CTNNBIP1: variants seen among roughly 807,000 people sequenced by gnomAD.
CTNNBIP1 encodes the protein catenin beta interacting protein 1.
In CTNNBIP1, 7 loss-of-function variants were observed where a neutral mutation model predicts 11.8. The observed-to-expected ratio is 0.60, with a 90% confidence interval of 0.34 to 1.12. CTNNBIP1 has a LOEUF of 1.12. Among genes scored for constraint, CTNNBIP1 ranks in the 50% most tolerant of loss-of-function variants. CTNNBIP1 has a pLI of 0.03. For synonymous variants in CTNNBIP1, 58 were observed against 43.9 expected, an observed-to-expected ratio of 1.32 and a Z score of -1.26; for missense variants, 101 against 113.4, an observed-to-expected ratio of 0.89 and a Z score of 0.50.
At chr1:9,907,675 C>T (rs1311801499) in intron 1 of CTNNBIP1, among the ~76,000 whole-genome samples, 1 of 152,222 alleles carries the variant, frequency 6.6e-6, no homozygotes, top group Non-Finnish European at 1.5e-5. Flanking sequence ...AAACCCTCTC[C>T]AATCAAGGAG....
chr1:9,884,619 G>A (rs1405007144), intron 1 of CTNNBIP1, among the ~76,000 whole-genome samples: 10 of 152,334 alleles, frequency 6.6e-5, no homozygotes, highest in Non-Finnish European at 1.2e-4. Context: ...ATGGGAGGAT[G>A]AGAAGCATTT....
chr1:9,881,765 C>T (rs1321743508), intron 2 of CTNNBIP1, among the ~76,000 whole-genome samples: 2 of 152,146 alleles, frequency 1.3e-5, no homozygotes, highest in Non-Finnish European at 2.9e-5. Context: ...GGTTCCACAA[C>T]CTTAAGTAGA....
chr1:9,865,417 G>A (rs556754704), intron 5 of CTNNBIP1, among the ~76,000 whole-genome samples: 40 of 152,020 alleles, frequency 2.6e-4, no homozygotes, highest in African/African-American at 9.6e-4. Context: ...TGGCTAACAC[G>A]GTGAAACCCC....
chr1:9,906,569 AT>A lies in CTNNBIP1; in HGVS notation c.-144+3525del, dbSNP rs201735831. Among the ~76,000 whole-genome samples the A allele has an allele frequency of 4.6e-3, 700 of 151,398 alleles. 17 individuals carry two copies. The highest frequency in any genetic ancestry group is 0.029 in the East Asian group (152 of 5,166). ...AGCAAAACTCCATCTAAAAAAAAAA[AT>A]AATAATAAAGAGCTACACTTCATAT... On this transcript the variant is annotated intron_variant, in intron 1 of 5. Coordinates refer to ENST00000377263, the MANE Select transcript of CTNNBIP1 (RefSeq NM_020248.3).
intron 5 of CTNNBIP1, among the ~76,000 whole-genome samples, chr1:9,853,778 T>A (rs1306320312): frequency 1.1e-4 from 16 of 152,228 alleles, no homozygotes. Flanking sequence ...CTGTGTCTCC[T>A]GTTCCACACT....
At position 9,871,123 on chromosome 1, in the gene CTNNBIP1, G is replaced by T; in HGVS notation, c.187+64C>A. On this transcript the variant is annotated intron_variant, in intron 5 of 5. Transcript: ENST00000377263. The surrounding 1 kb of genome is among the most constrained non-coding windows in gnomAD (Gnocchi z 5.2). ...GAGGGCTGGAGCTACGCTTTCTAAG[G>T]GAACCACAAGTCGGTGCCCCTGGGA... 7.9e-7 allele frequency: 1 copy of T among 1,263,898 alleles called. No individual in the cohort carries two copies. 78.3% of individuals were successfully genotyped at this position (1,263,898 alleles called of 1,614,324 possible).
chr1:9,900,025 G>T (rs548079981), intron 1 of CTNNBIP1, among the ~76,000 whole-genome samples: 9 of 150,564 alleles, frequency 6.0e-5, no homozygotes, highest in Non-Finnish European at 1.3e-4. Flanking sequence ...AGTGAGGCAA[G>T]ATTGCACCAC....
In CTNNBIP1 at chr1:9,896,998, C is replaced by T. The variant is rs566096466; in HGVS notation, c.-144+13097G>A. 2.4e-3 allele frequency among the ~76,000 whole-genome samples: 370 copies of T among 151,522 alleles called. 2 individuals are homozygous for T. The highest frequency in any genetic ancestry group is 8.6e-3 in the African/African-American group (357 of 41,294). The stretch of plus-strand genomic sequence containing the variant: ...ACAAAAAAAAAAAATGAAAATTAGC[C>T]GGGCATGGTGGCGCGCGCCTGTAAT... On this transcript the variant is annotated intron_variant, in intron 1 of 5. Transcript: ENST00000377263.
chr1:9,895,719 G>A (rs1379670389), intron 1 of CTNNBIP1, among the ~76,000 whole-genome samples: 1 of 151,374 alleles, frequency 6.6e-6, no homozygotes, highest in African/African-American at 2.4e-5. Context: ...CTGGTCTCTC[G>A]AACTCCTGAC....
intron 1 of CTNNBIP1, among the ~76,000 whole-genome samples, chr1:9,908,161 A>T (rs1279526684): frequency 6.7e-6 from 1 of 149,026 alleles, no homozygotes; most frequent in South Asian, 2.1e-4. Flanking sequence ...CAGGTTCAGG[A>T]AATTCTCCTG....
intron 5 of CTNNBIP1, among the ~76,000 whole-genome samples, chr1:9,857,884 A>T (rs1638542390): frequency 6.6e-6 from 1 of 152,224 alleles, no homozygotes; most frequent in African/African-American, 2.4e-5. Flanking sequence ...GACAGATGAG[A>T]ACAAGTGTTG....
rs567477256 is a variant in CTNNBIP1 at position 9,892,095 on chromosome 1, C to CG, written c.-143-8358dup. Among the ~76,000 whole-genome samples the CG allele has an allele frequency of 2.2e-3, 336 of 152,154 alleles. 3 individuals carry two copies. Among genetic ancestry groups the CG allele is most frequent in the African/African-American group, 7.8e-3 (322 of 41,528 alleles). On this transcript the variant is annotated intron_variant, in intron 1 of 5. Transcript: ENST00000377263. ...TGCTGGCATTATAGACATGAGCCAC[C>CG]GAGCCTGGCTTCTACAAAAAATCTT... is the stretch of plus-strand genomic sequence containing the variant.
chr1:9,892,571 CA>C (rs1175410860), intron 1 of CTNNBIP1, among the ~76,000 whole-genome samples: 2 of 148,102 alleles, frequency 1.4e-5, no homozygotes, highest in African/African-American at 5.1e-5. Flanking sequence ...CCAGCCTGGG[CA>C]ACAGAGCGAG....
At chr1:9,904,256 A>C (rs1267274382) in intron 1 of CTNNBIP1, among the ~76,000 whole-genome samples, 3 of 152,100 alleles carry the variant, frequency 2.0e-5, no homozygotes, top group African/African-American at 7.2e-5. Flanking sequence ...CCTGCAACAC[A>C]AGCGTCCTAT....
intron 5 of CTNNBIP1, among the ~76,000 whole-genome samples, chr1:9,860,425 T>C (rs1454635786): frequency 1.0e-5 from 1 of 100,418 alleles, no homozygotes; most frequent in Non-Finnish European, 1.9e-5. Context: ...ACCCCGTCTC[T>C]ACTAAAAAAA....
chr1:9,861,062 T>C (rs914355264), intron 5 of CTNNBIP1, among the ~76,000 whole-genome samples: 3 of 152,246 alleles, frequency 2.0e-5, no homozygotes, highest in Non-Finnish European at 4.4e-5. Flanking sequence ...GGAGAGGGAA[T>C]GCGACCACAT....
intron 1 of CTNNBIP1, among the ~76,000 whole-genome samples, chr1:9,903,062 G>T (rs545343049): frequency 3.7e-4 from 57 of 152,352 alleles, no homozygotes; most frequent in South Asian, 2.3e-3. Flanking sequence ...ACCACGCCCG[G>T]CTGGGGAATA....
At chr1:9,876,037 A>G (rs1025879205) in intron 3 of CTNNBIP1, among the ~76,000 whole-genome samples, 7 of 152,250 alleles carry the variant, frequency 4.6e-5, no homozygotes, top group Non-Finnish European at 1.5e-5. Context: ...CAAGCATCAG[A>G]TTCATTTCAC....
intron 1 of CTNNBIP1, among the ~76,000 whole-genome samples, chr1:9,891,487 T>C (rs1336723316): frequency 1.3e-5 from 2 of 152,140 alleles, no homozygotes; most frequent in Non-Finnish European, 2.9e-5. Context: ...CTTCCTGTGG[T>C]GAGGATTAGG....
Sources: gnomAD v4.1 joint callset for allele counts (sites outside exome capture counted in the v4.1 genomes callset) on GRCh38, gnomAD v4.1.1 for gene constraint, Gnocchi (gnomAD v3.1) non-coding constraint, MANE v1.5 for transcripts, NCBI Gene and HGNC (gene_info 2026-07-23, HGNC 2026-07-21) for gene names.